Variants in MCF2 observed in about 807,000 individuals in gnomAD.
MCF2 encodes proto-oncogene DBL.
Under a neutral mutation model 82.5 loss-of-function variants are expected in MCF2, and 44 were observed. The ratio of observed to expected loss-of-function variants is 0.53; its 90% CI spans 0.42 to 0.69. The LOEUF is 0.69. Ranked by LOEUF, MCF2 falls within the 30% of genes least tolerant of loss-of-function variation. The pLI, the probability that MCF2 is intolerant of heterozygous loss-of-function variation, is 0.00. For missense variants in MCF2, 623 were observed against 663.1 expected (o/e 0.94, Z 0.66); for synonymous variants, 217 against 224.9 (o/e 0.96, Z 0.32).
chrX:139,596,779 G>C lies in MCF2; in HGVS notation c.2056-9C>G. 1 of 1,159,809 alleles carries C rather than the reference G, an allele frequency of 8.6e-7. No homozygotes were observed. The highest frequency in any genetic ancestry group is 1.2e-6 in the Non-Finnish European group (1 of 849,002). On this transcript the variant is annotated splice_polypyrimidine_tract_variant and intron_variant, in intron 18 of 24. Coordinates refer to ENST00000370576, the Ensembl canonical transcript of MCF2. The stretch of plus-strand genomic sequence containing the variant: ...AGTTCATTTAAGTTTCCCTAGAATG[G>C]AAAATCAAAACCCATTAGTAGAAAG...
chrX:139,631,269 C>G, intron 3 of MCF2, 126 bp downstream of exon 6: 1 of 420,656 alleles, frequency 2.4e-6, no homozygotes, highest in East Asian at 3.7e-5. Context: ...AATGAGGGCC[C>G]AGAAAGCTGG....
intron 1 of MCF2, among the ~76,000 whole-genome samples, chrX:139,664,323 A>AC (rs1569391315): frequency 1.3e-4 from 15 of 111,416 alleles, no homozygotes; most frequent in African/African-American, 5.0e-4. Context: ...CAAAAAACAA[A>AC]AAAAAAAAAC....
intron 1 of MCF2, among the ~76,000 whole-genome samples, chrX:139,688,855 T>C (rs1356827103): frequency 1.8e-5 from 2 of 111,528 alleles, no homozygotes; most frequent in Non-Finnish European, 3.8e-5. Flanking sequence ...ATGAACCCTA[T>C]AGATGATGAG....
chrX:139,586,248 G>C (rs930092530), intron 23 of MCF2, 130 bp downstream of exon 27: 19 of 475,579 alleles, frequency 4.0e-5, no homozygotes, highest in Admixed American at 3.7e-4. Context: ...AGACATGAGA[G>C]CCTTATAAAA....
intron 16 of MCF2, among the ~76,000 whole-genome samples, chrX:139,599,313 TCTC>T (rs1342976374): frequency 6.5e-5 from 7 of 107,550 alleles, no homozygotes; most frequent in Admixed American, 5.9e-4. Flanking sequence ...TGCGTTTAGA[TCTC>T]CTCACTCATG....
intron 1 of MCF2, among the ~76,000 whole-genome samples, chrX:139,670,015 TAATTTA>T (rs1406400211): frequency 8.9e-6 from 1 of 112,012 alleles, no homozygotes; most frequent in Non-Finnish European, 1.9e-5. Context: ...TAAAAACATT[TAATTTA>T]AATGGGTAAA....
exon 25 of MCF2, chrX:139,582,463 T>C (rs371349418): frequency 2.5e-5 from 30 of 1,208,401 alleles, no homozygotes; most frequent in Non-Finnish European, 3.4e-5. Flanking sequence ...TTTGACATAG[T>C]AGCTTCATCA....
chrX:139,582,121 T>C (rs950016778), exon 25 of MCF2: 6 of 256,894 alleles, frequency 2.3e-5, no homozygotes, highest in African/African-American at 1.4e-4. Context: ...TTTGCAGCCG[T>C]AATTTTGACT....
chrX:139,619,124 T>A (rs1254668304), intron 7 of MCF2, among the ~76,000 whole-genome samples: 6 of 111,247 alleles, frequency 5.4e-5, no homozygotes, highest in Non-Finnish European at 1.1e-4. Flanking sequence ...CCAAGCACCA[T>A]ATATCATTCT....
At chrX:139,610,307 G>A in exon 11 of MCF2, 1 of 1,172,141 alleles carries the variant, frequency 8.5e-7, no homozygotes, top group Non-Finnish European at 1.2e-6. Flanking sequence ...TTACTTTTAA[G>A]TTGCTCTGAT....
upstream of MCF2, chrX:139,645,735 G>C (rs1378219628): frequency 1.9e-6 from 1 of 537,009 alleles, no homozygotes; most frequent in African/African-American, 2.3e-5. Flanking sequence ...TTCTATTTCT[G>C]ATTATTTCAT....
exon 1 of MCF2, chrX:139,642,683 A>T: frequency 4.4e-6 from 1 of 229,536 alleles, no homozygotes; most frequent in Non-Finnish European, 6.6e-6. Flanking sequence ...GCTGGGGAGG[A>T]AAAAAAAAAA....
intron 12 of MCF2, among the ~76,000 whole-genome samples, chrX:139,606,047 C>CAT (rs1569353222): frequency 1.0e-5 from 1 of 100,485 alleles, no homozygotes; most frequent in Non-Finnish European, 2.0e-5. Flanking sequence ...CGCTTTCTTT[C>CAT]ATATATATAC....
chrX:139,669,772 G>A (rs968479448), intron 1 of MCF2, among the ~76,000 whole-genome samples: 7 of 111,709 alleles, frequency 6.3e-5, no homozygotes, highest in South Asian at 3.7e-4. Flanking sequence ...AAAAAAACAC[G>A]CTAAGTGAAA....
At chrX:139,626,692 G>A (rs1203401664) in exon 5 of MCF2, 3 of 1,206,622 alleles carry the variant, frequency 2.5e-6, no homozygotes, top group Non-Finnish European at 3.4e-6. Flanking sequence ...AGCTCCTTCA[G>A]TGTCAGGCAC....
intron 1 of MCF2, among the ~76,000 whole-genome samples, chrX:139,641,736 T>A (rs939011129): frequency 1.3e-4 from 15 of 111,623 alleles, no homozygotes; most frequent in African/African-American, 4.9e-4. Context: ...ATTTCAACAT[T>A]TCTCCAAAAT....
intron 1 of MCF2, among the ~76,000 whole-genome samples, chrX:139,679,838 T>C (rs2082251677): frequency 9.0e-6 from 1 of 111,149 alleles, no homozygotes; most frequent in Non-Finnish European, 1.9e-5. Context: ...AATATTATAT[T>C]AAGGTTACAA....
At chrX:139,672,070 G>T (rs1371704151) in intron 1 of MCF2, among the ~76,000 whole-genome samples, 3 of 111,630 alleles carry the variant, frequency 2.7e-5, no homozygotes, top group Non-Finnish European at 5.6e-5. Flanking sequence ...TATTCTCTTT[G>T]TAGCAATTGT....
At chrX:139,598,380 A>G in intron 17 of MCF2, 26 bp downstream of exon 21, 1 of 1,009,405 alleles carries the variant, frequency 9.9e-7, no homozygotes, top group Non-Finnish European at 1.4e-6. Context: ...AAAGTAAAGA[A>G]ACAAACAAAT....
Sources: allele counts gnomAD v4.1 joint callset (sites outside exome capture counted in the v4.1 genomes callset), GRCh38; gene constraint gnomAD v4.1.1; transcripts MANE v1.5; gene names NCBI Gene and HGNC (gene_info 2026-07-23, HGNC 2026-07-21).